Variants in GPHN observed in about 807,000 individuals in gnomAD.
The protein encoded by GPHN is gephyrin.
GPHN carries 17 observed loss-of-function variants against 95.5 expected under a neutral mutation model. That is an observed-to-expected ratio of 0.18 (90% CI 0.12 to 0.27). The LOEUF (loss-of-function observed/expected upper bound fraction) is 0.27. Among genes scored for constraint, GPHN ranks in the 10% least tolerant of loss-of-function variants. The probability of loss-of-function intolerance (pLI) is 1.00; values close to 1 mark genes in which losing one functional copy is unlikely to be tolerated. For missense variants in GPHN, 660 were observed against 978.1 expected (o/e 0.67, Z 4.34); for synonymous variants, 320 against 322.5 (o/e 0.99, Z 0.08).
At chr14:66,891,394 G>A (rs10162330) in intron 5 of GPHN, among the ~76,000 whole-genome samples, 22,291 of 152,072 alleles carry the variant, frequency 0.15, 3,121 homozygotes, top group East Asian at 0.43. Context: ...TTCAATGGGG[G>A]AGAGAATAGT....
At chr14:67,584,076 C>T in the GPHN span, 71 of 1,613,850 alleles carry the variant, frequency 4.4e-5, no homozygotes, top group South Asian at 1.6e-4. Context: ...TCTACCTGAC[C>T]GTGGCCAGGA....
At chr14:66,594,815 A>G (rs1426773486) in intron 1 of GPHN, among the ~76,000 whole-genome samples, 1 of 152,200 alleles carries the variant, frequency 6.6e-6, no homozygotes, top group Non-Finnish European at 1.5e-5. Flanking sequence ...CAAATAGACA[A>G]ATAGGATGAC....
intron 1 of GPHN, among the ~76,000 whole-genome samples, chr14:66,680,003 A>G (rs2153394217): frequency 6.6e-6 from 1 of 152,320 alleles, no homozygotes; most frequent in Admixed American, 6.5e-5. Context: ...CAGAAATTGA[A>G]CTAAATATTA....
At chr14:67,535,363 A>G in the GPHN span, among the ~76,000 whole-genome samples, 1 of 139,166 alleles carries the variant, frequency 7.2e-6, no homozygotes, top group Non-Finnish European at 1.5e-5. Flanking sequence ...TCTGGTAGTG[A>G]GCACATCTTT....
the GPHN span, among the ~76,000 whole-genome samples, chr14:67,682,847 A>G: frequency 6.6e-6 from 1 of 152,268 alleles, no homozygotes; most frequent in Admixed American, 6.5e-5. Context: ...TCACCTGATG[A>G]ATGAATAAAT....
chr14:67,646,629 T>C, the GPHN span: 2 of 1,571,230 alleles, frequency 1.3e-6, no homozygotes, highest in Non-Finnish European at 1.8e-6. Flanking sequence ...TCCTGTCCAT[T>C]TCTCCCTTTC....
the GPHN span, chr14:67,317,358 G>T: frequency 6.9e-7 from 1 of 1,455,030 alleles, no homozygotes; most frequent in Non-Finnish European, 9.4e-7. Context: ...GAGTTATGTG[G>T]TTTTGTTCAC....
chr14:66,957,884 C>T (rs905804780), intron 8 of GPHN, among the ~76,000 whole-genome samples: 1 of 152,146 alleles, frequency 6.6e-6, no homozygotes, highest in African/African-American at 2.4e-5. Context: ...CTCATAGGAG[C>T]ATGAATGCAA....
intron 2 of GPHN, among the ~76,000 whole-genome samples, chr14:66,703,273 A>T (rs1413639071): frequency 6.6e-6 from 1 of 152,186 alleles, no homozygotes; most frequent in Non-Finnish European, 1.5e-5. Context: ...ACAGGCCAAC[A>T]TGCAAATTCA....
chr14:66,905,599 A>T lies in GPHN; in HGVS notation c.390-10404A>T, dbSNP rs564666020. Among the ~76,000 whole-genome samples, 9 of 152,170 alleles carry T rather than the reference A, an allele frequency of 5.9e-5. No homozygotes were observed. In the East Asian group the frequency reaches 1.7e-3, roughly 29 times the overall value. On this transcript the variant is annotated intron_variant, in intron 5 of 22. Coordinates refer to ENST00000478722, the MANE Select transcript of GPHN (RefSeq NM_020806.5). ...TTTTATAATCTCAACTTTTAGATTC[A>T]GGGGTACATGTACAGGTTTGTTACA...
chr14:67,562,795 T>G, the GPHN span: 1 of 1,613,538 alleles, frequency 6.2e-7, no homozygotes, highest in African/African-American at 1.3e-5. Context: ...CAGGGAAGAA[T>G]GAGGAAAGAG....
chr14:67,679,567 C>G, the GPHN span, among the ~76,000 whole-genome samples: 12 of 152,258 alleles, frequency 7.9e-5, no homozygotes, highest in African/African-American at 2.6e-4. Context: ...CCATGACTGG[C>G]TAATTTTTGT....
the GPHN span, chr14:67,208,043 A>T: frequency 1.6e-6 from 1 of 637,856 alleles, no homozygotes; most frequent in Non-Finnish European, 1.9e-6. Context: ...GGCTCTCCCA[A>T]TGGTCGTGCC....
At chr14:66,922,963 A>T in intron 7 of GPHN, 25 bp downstream of exon 7, 2 of 1,600,200 alleles carry the variant, frequency 1.2e-6, no homozygotes, top group Non-Finnish European at 1.7e-6. Flanking sequence ...AGTTACTCAG[A>T]GGCCTAAAGG....
the GPHN span, among the ~76,000 whole-genome samples, chr14:67,251,818 A>G: frequency 1.3e-5 from 2 of 152,178 alleles, no homozygotes; most frequent in African/African-American, 4.8e-5. Flanking sequence ...GCAGGCCCCT[A>G]TAATAGCTTC....
chr14:67,312,218 GA>G, the GPHN span: 1 of 176,696 alleles, frequency 5.7e-6, no homozygotes, highest in Non-Finnish European at 1.2e-5. Flanking sequence ...AGATCAGCCT[GA>G]AAAAATATTG....
At chr14:66,522,242 A>AT (rs2058513983) in intron 1 of GPHN, among the ~76,000 whole-genome samples, 1 of 152,100 alleles carries the variant, frequency 6.6e-6, no homozygotes, top group Non-Finnish European at 1.5e-5. Context: ...TATTTTACCC[A>AT]TTTTTTAAAG....
chr14:66,894,692 G>A (rs2064732562), intron 5 of GPHN, among the ~76,000 whole-genome samples: 2 of 152,268 alleles, frequency 1.3e-5, no homozygotes, highest in Admixed American at 6.5e-5. Context: ...CAACAAGTGG[G>A]CGAAGGATAT....
At chr14:67,284,594 T>TGCAA in the GPHN span, among the ~76,000 whole-genome samples, 1 of 112,004 alleles carries the variant, frequency 8.9e-6, no homozygotes, top group African/African-American at 3.4e-5. Context: ...AAAAAGGTTG[T>TGCAA]GCAATCATCA....
Sources: gnomAD v4.1 joint callset for allele counts (sites outside exome capture counted in the v4.1 genomes callset) on GRCh38, gnomAD v4.1.1 for gene constraint, MANE v1.5 for transcripts, NCBI Gene and HGNC (gene_info 2026-07-23, HGNC 2026-07-21) for gene names.